Variants in CDH8 observed in about 807,000 individuals in gnomAD.
CDH8 encodes cadherin 8.
A neutral mutation model predicts 68.1 loss-of-function variants in CDH8; 17 were observed. The ratio of observed to expected loss-of-function variants is 0.25; its 90% CI spans 0.17 to 0.37. The LOEUF is 0.37. Among genes scored for constraint, CDH8 ranks in the 10% least tolerant of loss-of-function variants. The pLI is 1.00. For synonymous variants in CDH8, 372 were observed against 365.1 expected, an observed-to-expected ratio of 1.02 and a Z score of -0.21; for missense variants, 763 against 999.3, an observed-to-expected ratio of 0.76 and a Z score of 3.19.
chr16:61,982,001 T>C (rs537854865), intron 2 of CDH8, among the ~76,000 whole-genome samples: 3 of 152,330 alleles, frequency 2.0e-5, no homozygotes, highest in African/African-American at 7.2e-5. Context: ...GTCATTATTC[T>C]ATTTTTATTT....
At chr16:61,809,042 C>T (rs549619189) in intron 7 of CDH8, among the ~76,000 whole-genome samples, 42 of 152,172 alleles carry the variant, frequency 2.8e-4, no homozygotes, top group African/African-American at 8.4e-4. Flanking sequence ...CAAAATTAGA[C>T]GGGCATGGTG....
chr16:61,992,760 T>G (rs985988210), intron 2 of CDH8, among the ~76,000 whole-genome samples: 3 of 152,170 alleles, frequency 2.0e-5, no homozygotes, highest in African/African-American at 7.2e-5. Context: ...GCTTACCTCC[T>G]GGTGTCGAAC....
At chr16:61,759,920 C>T (rs1210904877) in intron 8 of CDH8, among the ~76,000 whole-genome samples, 5 of 152,052 alleles carry the variant, frequency 3.3e-5, no homozygotes, top group African/African-American at 1.2e-4. Flanking sequence ...CTGCTTGGAC[C>T]TTAAGAAAAT....
intron 10 of CDH8, 152 bp from the exon 11 acceptor site, chr16:61,655,873 C>CTTTT (rs35413525): frequency 9.4e-4 from 498 of 532,262 alleles, no homozygotes; most frequent in African/African-American, 1.9e-3. Flanking sequence ...CGTCTCCGCA[C>CTTTT]TTTTTTTTTT....
chr16:61,739,916 T>TG, intron 8 of CDH8, among the ~76,000 whole-genome samples: 1 of 16,870 alleles, frequency 5.9e-5, no homozygotes, highest in Non-Finnish European at 1.1e-4. Flanking sequence ...TATATATGTA[T>TG]TTTTTTTTTT....
intron 8 of CDH8, among the ~76,000 whole-genome samples, chr16:61,741,407 T>G (rs2142924667): frequency 6.6e-6 from 1 of 152,330 alleles, no homozygotes; most frequent in East Asian, 1.9e-4. Flanking sequence ...AATTCATCAA[T>G]ATGTGCTTTT....
intron 8 of CDH8, among the ~76,000 whole-genome samples, chr16:61,771,661 T>TTGTCAAAAACA: frequency 6.6e-6 from 1 of 151,850 alleles, no homozygotes; most frequent in East Asian, 1.9e-4. Flanking sequence ...GGCATTACCA[T>TTGTCAAAAACA]TGTCAAAAAC....
intron 10 of CDH8, among the ~76,000 whole-genome samples, chr16:61,688,484 T>G (rs989623742): frequency 6.6e-6 from 1 of 151,992 alleles, no homozygotes; most frequent in African/African-American, 2.4e-5. Context: ...GAGTGCTTCC[T>G]TTTTCGTGTA....
chr16:61,840,381 C>T (rs971606261), intron 4 of CDH8, among the ~76,000 whole-genome samples: 4 of 152,174 alleles, frequency 2.6e-5, no homozygotes, highest in African/African-American at 4.8e-5. Flanking sequence ...CTCTTTCTCA[C>T]CCAACCATTG....
intron 2 of CDH8, among the ~76,000 whole-genome samples, chr16:61,927,292 A>G (rs1313445259): frequency 1.3e-5 from 2 of 152,196 alleles, no homozygotes; most frequent in Non-Finnish European, 2.9e-5. Flanking sequence ...AACTGGAAAT[A>G]GTAGGTACAT....
At chr16:61,838,311 T>C (rs1452003944) in intron 4 of CDH8, among the ~76,000 whole-genome samples, 1 of 152,118 alleles carries the variant, frequency 6.6e-6, no homozygotes, top group African/African-American at 2.4e-5. Flanking sequence ...CTAAGGGAGA[T>C]ACATATTCTA....
chr16:61,798,368 T>C (rs1223349846), intron 7 of CDH8, among the ~76,000 whole-genome samples: 2 of 152,178 alleles, frequency 1.3e-5, no homozygotes, highest in Admixed American at 6.6e-5. Flanking sequence ...AGGAGTGATA[T>C]GATCTAAACC....
intron 2 of CDH8, among the ~76,000 whole-genome samples, chr16:61,931,336 A>T (rs1057086919): frequency 1.3e-4 from 20 of 152,146 alleles, no homozygotes; most frequent in Non-Finnish European, 2.6e-4. Flanking sequence ...GCTAATTTTT[A>T]AAAAATAATT....
At chr16:61,870,381 A>T (rs1963334600) in intron 3 of CDH8, among the ~76,000 whole-genome samples, 1 of 152,178 alleles carries the variant, frequency 6.6e-6, no homozygotes, top group Non-Finnish European at 1.5e-5. Flanking sequence ...GTGTGAAGTG[A>T]GGAGCATTGG....
intron 2 of CDH8, among the ~76,000 whole-genome samples, chr16:61,999,857 GTA>G: frequency 6.6e-6 from 1 of 152,052 alleles, no homozygotes; most frequent in Middle Eastern, 3.4e-3. Flanking sequence ...TGTTACATAG[GTA>G]TACATACATG....
chr16:62,022,860 C>T (rs1426644704), intron 1 of CDH8, among the ~76,000 whole-genome samples: 1 of 152,172 alleles, frequency 6.6e-6, no homozygotes, highest in African/African-American at 2.4e-5. Flanking sequence ...CCAGTAGAAT[C>T]ACCCTGCTTG....
chr16:61,974,132 A>G (rs1965394250), intron 2 of CDH8, among the ~76,000 whole-genome samples: 2 of 152,242 alleles, frequency 1.3e-5, no homozygotes, highest in African/African-American at 4.8e-5. Context: ...TAATAACCCA[A>G]AAGGCTATGA....
intron 8 of CDH8, among the ~76,000 whole-genome samples, chr16:61,735,546 T>G (rs1018747706): frequency 6.6e-6 from 1 of 152,108 alleles, no homozygotes; most frequent in South Asian, 2.1e-4. Context: ...CATAGTTATA[T>G]ATATATATGT....
intron 2 of CDH8, among the ~76,000 whole-genome samples, chr16:61,939,641 C>T (rs1964680780): frequency 6.6e-6 from 1 of 152,148 alleles, no homozygotes; most frequent in Non-Finnish European, 1.5e-5. Flanking sequence ...GCTAATAAAT[C>T]ATTTGTAATT....
Sources: gnomAD v4.1 joint callset for allele counts (sites outside exome capture counted in the v4.1 genomes callset) on GRCh38, gnomAD v4.1.1 for gene constraint, MANE v1.5 for transcripts, NCBI Gene and HGNC (gene_info 2026-07-23, HGNC 2026-07-21) for gene names.